The following SUGP2 variants were observed in gnomAD, a reference collection of about 807,000 sequenced individuals.
SUGP2 encodes the protein SURP and G-patch domain-containing protein 2.
SUGP2 carries 24 observed loss-of-function variants against 90.5 expected under a neutral mutation model. The observed-to-expected ratio is 0.27, with a 90% confidence interval of 0.19 to 0.37. The LOEUF is 0.37. Ranked by LOEUF, SUGP2 falls within the 10% of genes least tolerant of loss-of-function variation. The probability of loss-of-function intolerance (pLI) is 1.00; values close to 1 mark genes in which losing one functional copy is unlikely to be tolerated. For synonymous variants in SUGP2, 473 were observed against 513.4 expected (o/e 0.92, Z 1.06); for missense variants, 1,233 against 1,363.3 (o/e 0.90, Z 1.51).
chr19:18,997,555 TGCGTGG>T (rs2057654051), intron 8 of SUGP2, among the ~76,000 whole-genome samples: 1 of 151,902 alleles, frequency 6.6e-6, no homozygotes, highest in African/African-American at 2.4e-5. Context: ...GAGGCCAAGG[TGCGTGG>T]ATCACGATGT....
At chr19:19,020,325 G>C (rs540098632) in intron 3 of SUGP2, among the ~76,000 whole-genome samples, 71 of 151,530 alleles carry the variant, frequency 4.7e-4, no homozygotes, top group Admixed American at 2.2e-3. Context: ...CCAGCTACTT[G>C]GGAGGCTGAG....
At chr19:19,014,561 T>G (rs1041781630) in intron 4 of SUGP2, among the ~76,000 whole-genome samples, 14 of 151,382 alleles carry the variant, frequency 9.2e-5, no homozygotes, top group African/African-American at 3.2e-4. Context: ...CCCAGTGATC[T>G]GGGGGATCGC....
In SUGP2 at chr19:19,004,556, C is replaced by T. The variant is rs764972029; in HGVS notation, c.2541G>A (p.Pro847=). The T allele has an allele frequency of 1.1e-5, 17 of 1,614,064 alleles. No individual in the cohort carries two copies. Among genetic ancestry groups the T allele is most frequent in the African/African-American group, 2.7e-5 (2 of 74,914 alleles). The change falls in exon 7 of 11, where the codon CCG becomes CCA. Residue 847 remains proline (P), a synonymous_variant. Transcript: ENST00000452918. ...CACCACCACCAGTGTGAAGGTTGTG[C>T]GGAGATGACGTGAAACAAATTGATG... ...LCPSICFTSS[P]HNLHTGGGDT...
At chr19:19,020,776 C>G (rs2058694732) in intron 3 of SUGP2, among the ~76,000 whole-genome samples, 1 of 151,962 alleles carries the variant, frequency 6.6e-6, no homozygotes, top group East Asian at 1.9e-4. Flanking sequence ...TCCAATATGA[C>G]TTTAAATTTA....
Position 18,991,686 on chromosome 19 carries a change from G to A in SUGP2, c.*2055C>T, listed in dbSNP as rs994289432. 2 of 152,402 alleles carry A rather than the reference G, an allele frequency of 1.3e-5. No individual in the cohort carries two copies. Among genetic ancestry groups the A allele is most frequent in the East Asian group, 1.9e-4 (1 of 5,178 alleles). The allele number at this position is 152,402 out of a possible 1,614,324, so 9.4% of individuals were successfully genotyped here. ...GTGTGTGCGCCTCGCTCGGGTCAAT[G>A]GGCTGAGCCCCGCTTGGAGCTCCAT... On this transcript the variant is annotated 3_prime_UTR_variant, in exon 11 of 11. Coordinates refer to ENST00000452918, the MANE Select transcript of SUGP2 (RefSeq NM_001017392.5).
chr19:18,997,782 CAAA>C (rs35875282), intron 8 of SUGP2, among the ~76,000 whole-genome samples: 35 of 88,270 alleles, frequency 4.0e-4, no homozygotes, highest in Admixed American at 8.9e-4. Flanking sequence ...GACTCCGTCT[CAAA>C]AAAAAAAAAA....
chr19:19,027,510 T>C (rs558795016), intron 2 of SUGP2, among the ~76,000 whole-genome samples: 20 of 151,910 alleles, frequency 1.3e-4, no homozygotes, highest in Non-Finnish European at 2.8e-4. Context: ...AGCCAGACAA[T>C]AAACAAAAAT....
intron 5 of SUGP2, 100 bp downstream of exon 5, chr19:19,009,755 G>C: frequency 6.9e-7 from 1 of 1,447,152 alleles, no homozygotes; most frequent in Non-Finnish European, 9.2e-7. Context: ...TTTATCCACT[G>C]CCTTGCCTAG....
intron 4 of SUGP2, among the ~76,000 whole-genome samples, chr19:19,014,673 C>T (rs1039257150): frequency 6.6e-6 from 1 of 151,026 alleles, no homozygotes; most frequent in Non-Finnish European, 1.5e-5. Flanking sequence ...CGGTGGTGTA[C>T]TCCTGTAGTC....
At chr19:19,016,112 A>G (rs1266258755) in intron 4 of SUGP2, among the ~76,000 whole-genome samples, 1 of 152,098 alleles carries the variant, frequency 6.6e-6, no homozygotes, top group Non-Finnish European at 1.5e-5. Flanking sequence ...ATGCTCTTTC[A>G]TGATACTGGT....
chr19:19,033,574 C>A, upstream of SUGP2: 3 of 1,231,096 alleles, frequency 2.4e-6, no homozygotes, highest in Non-Finnish European at 3.0e-6. Context: ...AAGCCGCCGC[C>A]GAGTCCTGGT....
chr19:19,029,137 C>A (rs1351642215), intron 2 of SUGP2, among the ~76,000 whole-genome samples: 1 of 151,080 alleles, frequency 6.6e-6, no homozygotes. Context: ...TGCCACCATG[C>A]CCAGATAAAT....
intron 8 of SUGP2, among the ~76,000 whole-genome samples, chr19:18,997,571 T>C (rs1203278636): frequency 6.6e-6 from 1 of 151,824 alleles, no homozygotes; most frequent in Non-Finnish European, 1.5e-5. Context: ...GATCACGATG[T>C]CAGGAGTTTG....
At chr19:18,996,897 CTG>C (rs1050963109) in intron 8 of SUGP2, among the ~76,000 whole-genome samples, 14 of 151,958 alleles carry the variant, frequency 9.2e-5, no homozygotes, top group Admixed American at 2.0e-4. Flanking sequence ...CCTGGGGAGG[CTG>C]TGAGGGTTCA....
chr19:19,017,875 T>C (rs1264987816), intron 4 of SUGP2, among the ~76,000 whole-genome samples: 3 of 151,130 alleles, frequency 2.0e-5, no homozygotes, highest in African/African-American at 7.3e-5. Flanking sequence ...CCAGATATCA[T>C]AATAAACTGC....
At chr19:19,007,140 G>A (rs2058107309) in intron 6 of SUGP2, among the ~76,000 whole-genome samples, 1 of 152,136 alleles carries the variant, frequency 6.6e-6, no homozygotes. Flanking sequence ...AAAACCCCAG[G>A]GGCAGTGCTG....
At chr19:19,009,605 G>A (rs966431936) in intron 5 of SUGP2, among the ~76,000 whole-genome samples, 6 of 152,198 alleles carry the variant, frequency 3.9e-5, no homozygotes, top group African/African-American at 1.2e-4. Context: ...CGGGGAGCAC[G>A]AAGGCATGGG....
intron 6 of SUGP2, among the ~76,000 whole-genome samples, chr19:19,005,450 G>A (rs1300199583): frequency 1.3e-5 from 2 of 152,042 alleles, no homozygotes; most frequent in East Asian, 1.9e-4. Context: ...GAGTATCTGG[G>A]AAAACTCTGA....
chr19:19,001,468 A>G (rs2057829773), intron 8 of SUGP2, 145 bp downstream of exon 8: 1 of 824,886 alleles, frequency 1.2e-6, no homozygotes, highest in African/African-American at 1.7e-5. Context: ...CCCTCCCAAG[A>G]GAAAAGTCTC....
Sources: allele counts gnomAD v4.1 joint callset (sites outside exome capture counted in the v4.1 genomes callset), GRCh38; gene constraint gnomAD v4.1.1; transcripts MANE v1.5; gene names NCBI Gene and HGNC (gene_info 2026-07-23, HGNC 2026-07-21).